Variants in COX10 observed in about 807,000 individuals in gnomAD.
COX10 encodes protoheme IX farnesyltransferase, mitochondrial.
A neutral mutation model predicts 37.3 loss-of-function variants in COX10; 27 were observed. That is an observed-to-expected ratio of 0.72 (90% CI 0.53 to 1.00). The LOEUF is 1.00. Ranked by LOEUF, COX10 falls within the 50% of genes least tolerant of loss-of-function variation. COX10 has a pLI of 0.00. For missense variants in COX10, 475 were observed against 563.2 expected, an observed-to-expected ratio of 0.84 and a Z score of 1.59; for synonymous variants, 222 against 229.1, an observed-to-expected ratio of 0.97 and a Z score of 0.28.
At chr17:14,194,113 C>T (rs1567612322) in intron 6 of COX10, among the ~76,000 whole-genome samples, 1 of 152,098 alleles carries the variant, frequency 6.6e-6, no homozygotes, top group Non-Finnish European at 1.5e-5. Context: ...CCAAGTATTA[C>T]AGCCTTAGGG....
intron 4 of COX10, among the ~76,000 whole-genome samples, chr17:14,128,984 T>C (rs2142217927): frequency 6.6e-6 from 1 of 152,298 alleles, no homozygotes; most frequent in Non-Finnish European, 1.5e-5. Context: ...TACCTGGTAT[T>C]ACAGGCAAGC....
intron 5 of COX10, among the ~76,000 whole-genome samples, chr17:14,165,107 G>T (rs546170763): frequency 6.6e-6 from 1 of 152,294 alleles, no homozygotes; most frequent in South Asian, 2.1e-4. Context: ...GCTTTTTCAT[G>T]CAAATTGGCA....
At chr17:14,164,773 T>A (rs1179108543) in intron 5 of COX10, among the ~76,000 whole-genome samples, 22 of 152,274 alleles carry the variant, frequency 1.4e-4, no homozygotes, top group Admixed American at 1.3e-3. Context: ...ACATTATAGC[T>A]CAAAGATGTA....
At chr17:14,079,204 G>A (rs1915224030) in intron 3 of COX10, among the ~76,000 whole-genome samples, 1 of 152,222 alleles carries the variant, frequency 6.6e-6, no homozygotes, top group African/African-American at 2.4e-5. Context: ...GCATACAACA[G>A]CATGCTGGAC....
intron 5 of COX10, among the ~76,000 whole-genome samples, chr17:14,189,846 C>T (rs1323859056): frequency 6.6e-6 from 1 of 152,120 alleles, no homozygotes; most frequent in African/African-American, 2.4e-5. Flanking sequence ...GTGTGGTCCA[C>T]TCCATCAGGA....
rs1174267757 is a variant in COX10 at position 14,192,063 on chromosome 17, C to T, written c.770C>T (p.Pro257Leu). 4 of 1,614,190 alleles carry T rather than the reference C, an allele frequency of 2.5e-6. No individual in the cohort carries two copies. The highest frequency in any genetic ancestry group is 3.4e-6 in the Non-Finnish European group (4 of 1,180,046). The change falls in exon 6 of 7, where the codon CCA (proline) becomes CTA (leucine). Residue 257 changes from proline (P) to leucine (L), a missense_variant. Transcript: ENST00000261643. ...GVAILTLGVN[P>L]LTGALGLFNI... Reference sequence around the variant, plus strand: ...GCCATTCTGACCTTGGGGGTGAATCCACTCACAGGAGCCCTGGGGCTCTTC... The same window carrying T: ...GCCATTCTGACCTTGGGGGTGAATCTACTCACAGGAGCCCTGGGGCTCTTC...
intron 5 of COX10, among the ~76,000 whole-genome samples, chr17:14,187,298 C>A (rs1906062943): frequency 6.6e-6 from 1 of 152,122 alleles, no homozygotes; most frequent in African/African-American, 2.4e-5. Context: ...TTTATCCCAA[C>A]ATGCTTTTTG....
intron 6 of COX10, among the ~76,000 whole-genome samples, chr17:14,198,794 C>A (rs1906443828): frequency 6.6e-6 from 1 of 152,188 alleles, no homozygotes; most frequent in Non-Finnish European, 1.5e-5. Flanking sequence ...TGAGGGCTTA[C>A]TAAGTACCAG....
intron 4 of COX10, among the ~76,000 whole-genome samples, chr17:14,102,849 A>G (rs776416348): frequency 3.3e-5 from 5 of 151,892 alleles, no homozygotes; most frequent in Non-Finnish European, 7.4e-5. Flanking sequence ...TGGCTTTTTC[A>G]TAAGATATTA....
At chr17:14,115,843 A>G (rs955886917) in intron 4 of COX10, among the ~76,000 whole-genome samples, 7 of 152,188 alleles carry the variant, frequency 4.6e-5, no homozygotes, top group African/African-American at 1.7e-4. Flanking sequence ...GCCATAGAAT[A>G]TGAAATGATT....
At chr17:14,185,653 T>A (rs1327329610) in intron 5 of COX10, among the ~76,000 whole-genome samples, 1 of 151,998 alleles carries the variant, frequency 6.6e-6, no homozygotes, top group African/African-American at 2.4e-5. Flanking sequence ...TTGCTTGTCC[T>A]CTTTCTACTT....
Position 14,205,928 on chromosome 17 carries a change from G to A in COX10, c.929-882G>A, listed in dbSNP as rs561495700. ...TGCTGGGGAGACTGTTCCAGAGAAAGGGGCAAAATGGTGCTCAGGGTGTTA... is the reference window on the plus strand; with the variant it reads ...TGCTGGGGAGACTGTTCCAGAGAAAAGGGCAAAATGGTGCTCAGGGTGTTA... On this transcript the variant is annotated intron_variant, in intron 6 of 6. Transcript: ENST00000261643. Among the ~76,000 whole-genome samples the A allele has an allele frequency of 3.1e-4, 47 of 152,286 alleles. 1 individual carries two copies. The South Asian group carries it at 9.7e-3, about 32-fold the overall frequency.
chr17:14,119,876 A>G (rs965284896), intron 4 of COX10, among the ~76,000 whole-genome samples: 1 of 152,170 alleles, frequency 6.6e-6, no homozygotes, highest in Non-Finnish European at 1.5e-5. Context: ...AACCATTGTC[A>G]TGCTTTAGAG....
chr17:14,205,040 G>A (rs768939484), intron 6 of COX10, among the ~76,000 whole-genome samples: 1 of 152,152 alleles, frequency 6.6e-6, no homozygotes, highest in Non-Finnish European at 1.5e-5. Flanking sequence ...CCAAGAGATC[G>A]AGGCTGCAGT....
At chr17:14,177,223 G>A in intron 5 of COX10, 1 of 729,494 alleles carries the variant, frequency 1.4e-6, no homozygotes, top group Non-Finnish European at 2.5e-6. Context: ...AGGGGCTTCT[G>A]GCACTGGTGC....
intron 3 of COX10, among the ~76,000 whole-genome samples, chr17:14,092,011 G>A (rs1484197570): frequency 6.6e-6 from 1 of 152,028 alleles, no homozygotes; most frequent in Non-Finnish European, 1.5e-5. Context: ...TAATTAAAAA[G>A]GTTATAAATT....
At chr17:14,176,007 G>A (rs1905676890) in intron 5 of COX10, among the ~76,000 whole-genome samples, 1 of 152,280 alleles carries the variant, frequency 6.6e-6, no homozygotes, top group Middle Eastern at 3.4e-3. Flanking sequence ...AAATGGGGCT[G>A]GTGTGATCAG....
At chr17:14,172,690 C>A (rs1318544167) in intron 5 of COX10, among the ~76,000 whole-genome samples, 23 of 151,488 alleles carry the variant, frequency 1.5e-4, no homozygotes, top group African/African-American at 4.9e-4. Flanking sequence ...TGATCCTCCC[C>A]GCTCAGCCTC....
intron 3 of COX10, among the ~76,000 whole-genome samples, chr17:14,080,122 C>T (rs1181663342): frequency 6.6e-6 from 1 of 151,322 alleles, no homozygotes; most frequent in East Asian, 1.9e-4. Context: ...TAATAGCTAG[C>T]TTTAAACATT....
Sources: allele counts gnomAD v4.1 joint callset (sites outside exome capture counted in the v4.1 genomes callset), GRCh38; gene constraint gnomAD v4.1.1; transcripts MANE v1.5; gene names NCBI Gene and HGNC (gene_info 2026-07-23, HGNC 2026-07-21).